USP31: variants seen among roughly 807,000 people sequenced by gnomAD.
USP31 encodes ubiquitin carboxyl-terminal hydrolase 31.
In USP31, 44 loss-of-function variants were observed where a neutral mutation model predicts 119.4. The observed-to-expected ratio is 0.37, with a 90% CI of 0.29 to 0.47. The LOEUF is 0.47. Ranked by LOEUF, USP31 falls within the 20% of genes least tolerant of loss-of-function variation. USP31 has a pLI of 0.99. For synonymous variants in USP31, 749 were observed against 705.6 expected, an observed-to-expected ratio of 1.06 and a Z score of -0.97; for missense variants, 1,643 against 1,730.2, an observed-to-expected ratio of 0.95 and a Z score of 0.89.
At chr16:23,140,488 A>G (rs528337267) in intron 1 of USP31, among the ~76,000 whole-genome samples, 2 of 152,116 alleles carry the variant, frequency 1.3e-5, no homozygotes, top group South Asian at 4.1e-4. Context: ...GCTCCAAATC[A>G]AGGCTCTCTG....
At position 23,067,738 on chromosome 16, in the gene USP31, G is replaced by C. The variant is rs1252396199; in HGVS notation, c.*308C>G. 9.2e-6 allele frequency: 2 copies of C among 216,352 alleles called. No homozygotes were observed. Among genetic ancestry groups the C allele is most frequent in the Non-Finnish European group, 1.8e-5 (2 of 109,306 alleles). 13.4% of individuals were successfully genotyped at this position (216,352 alleles called of 1,614,324 possible). A position where few individuals can be genotyped will look rare whatever the true frequency, so the allele number is the denominator to read the frequency against. ...CTCATATCCAAAGAAAGTCATTAGA[G>C]TTCTCTAGAAAGAAATATGTACAAT... On this transcript the variant is annotated 3_prime_UTR_variant, in exon 16 of 16. Coordinates refer to ENST00000219689, the MANE Select transcript of USP31 (RefSeq NM_020718.4).
intron 5 of USP31, among the ~76,000 whole-genome samples, chr16:23,102,990 CT>C (rs1901946791): frequency 6.6e-6 from 1 of 152,182 alleles, no homozygotes; most frequent in African/African-American, 2.4e-5. Flanking sequence ...GATTAAAGCA[CT>C]GTGGATTTTG....
intron 15 of USP31, among the ~76,000 whole-genome samples, chr16:23,069,884 G>A (rs1019759652): frequency 5.3e-5 from 8 of 152,166 alleles, no homozygotes; most frequent in South Asian, 2.1e-4. Flanking sequence ...ATCAGGGCTC[G>A]GTATAACTTT....
chr16:23,148,656 C>T lies in USP31; in HGVS notation c.615G>A (p.Gln205=). 1 of 1,495,196 alleles carries T rather than the reference C, an allele frequency of 6.7e-7. No homozygotes were observed. The highest frequency in any genetic ancestry group is 8.9e-7 in the Non-Finnish European group (1 of 1,126,540). The allele number at this position is 1,495,196 out of a possible 1,614,324, so 92.6% of individuals were successfully genotyped here. Residue 205 remains glutamine, a synonymous_variant, in exon 1 of 16, where the codon CAG becomes CAA. Coordinates refer to ENST00000219689, the MANE Select transcript of USP31 (RefSeq NM_020718.4). The part of the protein sequence containing the change: ...RALWTLEYTP[Q]HSRDFKTIVS... The stretch of plus-strand genomic sequence containing the variant: ...GGCTCACCTTGAAGTCGCGGCTGTG[C>T]TGCGGGGTGTACTCCAGGGTCCAGA...
intron 1 of USP31, among the ~76,000 whole-genome samples, chr16:23,126,313 G>A (rs1288251362): frequency 7.6e-6 from 1 of 130,752 alleles, no homozygotes; most frequent in African/African-American, 2.9e-5. Context: ...GAGCGACCCT[G>A]TCTCTTTAAA....
chr16:23,090,925 G>A, intron 6 of USP31, 121 bp from the exon 7 acceptor site: 4 of 903,474 alleles, frequency 4.4e-6, no homozygotes, highest in South Asian at 3.0e-5. Flanking sequence ...AAATTAAACT[G>A]CAATCAAAAA....
At chr16:23,115,691 C>T (rs1208001721) in intron 1 of USP31, 4 of 766,336 alleles carry the variant, frequency 5.2e-6, no homozygotes, top group Non-Finnish European at 6.3e-6. Flanking sequence ...ACCCCTGCTC[C>T]TATTATCCCC....
Position 23,068,657 on chromosome 16 carries a change from A to C in USP31, c.3448T>G (p.Ser1150Ala), listed in dbSNP as rs1947385473. The C allele has an allele frequency of 1.2e-6, 2 of 1,614,058 alleles. No homozygotes were observed. Among genetic ancestry groups the C allele is most frequent in the Admixed American group, 1.7e-5 (1 of 59,998 alleles). Residue 1150 changes from serine to alanine, a missense_variant, in exon 16 of 16, where the codon TCA becomes GCA. This residue lies in a region of USP31 where 699 missense variants were observed against 650.9 expected (regional missense o/e 1.07). Coordinates refer to ENST00000219689, the MANE Select transcript of USP31 (RefSeq NM_020718.4). ...CCCTCTCTACTCAAGCTGTGGTCTG[A>C]AGTCCTGCTCTTCCCAGGTGGGAAA... Reference protein sequence around the residue: ...SPFPPGKSRTSDHSLSREGSR... With the variant: ...SPFPPGKSRTADHSLSREGSR...
chr16:23,090,176 G>C (rs1334522860), intron 7 of USP31, among the ~76,000 whole-genome samples: 1 of 152,152 alleles, frequency 6.6e-6, no homozygotes, highest in East Asian at 1.9e-4. Context: ...TCTGAGGTCA[G>C]GAGTTTGAGA....
rs202051674 is a variant in USP31, at chr16:23,068,043, A to G, written c.*3T>C. Reference sequence around the variant, plus strand: ...CAGATAAAACACTTTGATTGCAGAAATATCACTGAGGTTTTTGAGAAGGCC... The same window carrying G: ...CAGATAAAACACTTTGATTGCAGAAGTATCACTGAGGTTTTTGAGAAGGCC... On this transcript the variant is annotated 3_prime_UTR_variant, in exon 16 of 16. Coordinates refer to ENST00000219689, the MANE Select transcript of USP31 (RefSeq NM_020718.4). 3.1e-4 allele frequency: 496 copies of G among 1,602,388 alleles called. No homozygotes were observed. The highest frequency in any genetic ancestry group is 4.0e-4 in the Non-Finnish European group (468 of 1,174,190).
At chr16:23,142,596 G>A (rs1903384167) in intron 1 of USP31, among the ~76,000 whole-genome samples, 1 of 152,144 alleles carries the variant, frequency 6.6e-6, no homozygotes, top group African/African-American at 2.4e-5. Context: ...TCAGAATTCT[G>A]GTTCTGCTCC....
intron 1 of USP31, among the ~76,000 whole-genome samples, chr16:23,117,553 A>G (rs1028087649): frequency 3.9e-5 from 6 of 152,236 alleles, no homozygotes; most frequent in South Asian, 2.1e-4. Flanking sequence ...GGAATATCCT[A>G]TAAGTGGATT....
intron 1 of USP31, among the ~76,000 whole-genome samples, 195 bp downstream of exon 1, chr16:23,148,443 T>TTGAG (rs549839091): frequency 4.2e-4 from 64 of 152,324 alleles, no homozygotes; most frequent in Non-Finnish European, 7.1e-4. Flanking sequence ...AAATACATGT[T>TTGAG]TGAGTGAGTG....
At chr16:23,075,062 A>C (rs537736381) in intron 13 of USP31, among the ~76,000 whole-genome samples, 1 of 152,348 alleles carries the variant, frequency 6.6e-6, no homozygotes, top group South Asian at 2.1e-4. Context: ...GGGATAAAAG[A>C]GACGCGGGTG....
chr16:23,131,959 T>C (rs1368244729), intron 1 of USP31, among the ~76,000 whole-genome samples: 1 of 152,224 alleles, frequency 6.6e-6, no homozygotes, highest in Non-Finnish European at 1.5e-5. Flanking sequence ...TGACCAGTCC[T>C]ATGAAATCTT....
In USP31 at chr16:23,063,916, G is replaced by GA. The variant is rs1491187330; in HGVS notation, c.*4129dup. The GA allele has an allele frequency of 6.6e-6, 1 of 152,210 alleles. No homozygotes were observed. The highest frequency in any genetic ancestry group is 1.5e-5 in the Non-Finnish European group (1 of 68,018). 9.4% of individuals were successfully genotyped at this position (152,210 alleles called of 1,614,324 possible). On this transcript the variant is annotated 3_prime_UTR_variant, in exon 16 of 16. Transcript: ENST00000219689. ...TTGAAAGTTGATCAAAAGGCAGTGTGAGAGTGTTCATTTAAATAAAACCAC... is the reference window on the plus strand; with the variant it reads ...TTGAAAGTTGATCAAAAGGCAGTGTGAAGAGTGTTCATTTAAATAAAACCAC...
chr16:23,126,092 G>A (rs62031866), intron 1 of USP31, among the ~76,000 whole-genome samples: 9,706 of 151,870 alleles, frequency 0.064, 445 homozygotes, highest in Non-Finnish European at 0.098. Context: ...GAGACGTGAG[G>A]ATCACTTGAG....
intron 15 of USP31, 61 bp from the exon 16 acceptor site, chr16:23,069,677 T>C: frequency 6.6e-7 from 1 of 1,523,238 alleles, no homozygotes; most frequent in Non-Finnish European, 8.8e-7. Flanking sequence ...AACAACACTG[T>C]AAGACACTGA....
chr16:23,124,756 G>A (rs1256578296), intron 1 of USP31, among the ~76,000 whole-genome samples: 3 of 152,192 alleles, frequency 2.0e-5, no homozygotes, highest in Non-Finnish European at 4.4e-5. Context: ...AGGTGTGGTG[G>A]TGGGTGCCCG....
Sources: gnomAD v4.1 joint callset for allele counts (sites outside exome capture counted in the v4.1 genomes callset) on GRCh38, gnomAD v4.1.1 for gene constraint, gnomAD v4.1.1 regional missense constraint, MANE v1.5 for transcripts, NCBI Gene and HGNC (gene_info 2026-07-23, HGNC 2026-07-21) for gene names.